CNTNAP2: variants seen among roughly 807,000 people sequenced by gnomAD.
CNTNAP2 encodes contactin-associated protein-like 2.
A neutral mutation model predicts 155.2 loss-of-function variants in CNTNAP2; 98 were observed. The observed-to-expected ratio is 0.63, with a 90% CI of 0.54 to 0.75. The LOEUF (loss-of-function observed/expected upper bound fraction) is 0.75. Among genes scored for constraint, CNTNAP2 ranks in the 30% least tolerant of loss-of-function variants. The pLI is 0.00. For missense variants in CNTNAP2, 1,727 were observed against 1,688.1 expected (o/e 1.02, Z -0.40); for synonymous variants, 651 against 631.2 (o/e 1.03, Z -0.47).
intron 21 of CNTNAP2, among the ~76,000 whole-genome samples, chr7:148,311,329 A>G (rs113414892): frequency 4.1e-3 from 619 of 151,514 alleles, no homozygotes; most frequent in African/African-American, 0.015. Context: ...CCTGGAAGAA[A>G]GGGAAATGCA....
chr7:146,760,870 G>A (rs929908879), intron 1 of CNTNAP2, among the ~76,000 whole-genome samples: 8 of 152,042 alleles, frequency 5.3e-5, no homozygotes, highest in South Asian at 4.1e-4. Flanking sequence ...TGAAGGAGCC[G>A]TTTCAGTGGT....
chr7:147,637,563 A>G (rs1226719577), intron 12 of CNTNAP2, among the ~76,000 whole-genome samples: 1 of 151,880 alleles, frequency 6.6e-6, no homozygotes, highest in Non-Finnish European at 1.5e-5. Flanking sequence ...TTTCCTCTCT[A>G]CCCACTTCCT....
chr7:146,543,407 C>T (rs990926962), intron 1 of CNTNAP2, among the ~76,000 whole-genome samples: 6 of 151,760 alleles, frequency 4.0e-5, no homozygotes, highest in Admixed American at 1.3e-4. Context: ...CCCTCATTCC[C>T]CTTTCCATTC....
At chr7:147,096,518 T>G (rs964157170) in intron 4 of CNTNAP2, among the ~76,000 whole-genome samples, 3 of 152,206 alleles carry the variant, frequency 2.0e-5, no homozygotes, top group African/African-American at 4.8e-5. Context: ...GGGAAATATG[T>G]CTCTCTTGGT....
At chr7:148,305,733 T>C (rs937577619) in intron 21 of CNTNAP2, among the ~76,000 whole-genome samples, 2 of 152,110 alleles carry the variant, frequency 1.3e-5, no homozygotes, top group African/African-American at 4.8e-5. Flanking sequence ...CACACTATCA[T>C]GAGAACAGCA....
chr7:146,713,620 T>A (rs1801136380), intron 1 of CNTNAP2, among the ~76,000 whole-genome samples: 1 of 152,190 alleles, frequency 6.6e-6, no homozygotes, highest in Admixed American at 6.5e-5. Flanking sequence ...AATAGCTCAT[T>A]TTGTGTTGCC....
At chr7:146,975,828 C>T (rs534824092) in intron 3 of CNTNAP2, among the ~76,000 whole-genome samples, 8 of 152,200 alleles carry the variant, frequency 5.3e-5, no homozygotes, top group African/African-American at 1.7e-4. Flanking sequence ...ACTTGAAGTC[C>T]CAAAATAGTG....
At chr7:146,645,901 A>T (rs1013084757) in intron 1 of CNTNAP2, among the ~76,000 whole-genome samples, 1 of 152,126 alleles carries the variant, frequency 6.6e-6, no homozygotes, top group African/African-American at 2.4e-5. Flanking sequence ...ATACTTCAAA[A>T]TGAGCAATTT....
intron 1 of CNTNAP2, among the ~76,000 whole-genome samples, chr7:146,721,000 G>C (rs1411935257): frequency 0.043 from 3,511 of 82,458 alleles, 207 homozygotes; most frequent in African/African-American, 0.32. Context: ...TATATATATA[G>C]TCTATATATA....
chr7:146,154,081 C>T (rs1440503713), intron 1 of CNTNAP2, among the ~76,000 whole-genome samples: 4 of 151,814 alleles, frequency 2.6e-5, no homozygotes, highest in African/African-American at 9.7e-5. Flanking sequence ...GTTTTGAGTA[C>T]AGTACATTAG....
chr7:147,673,790 T>C (rs1476936055), intron 13 of CNTNAP2, among the ~76,000 whole-genome samples: 1 of 152,154 alleles, frequency 6.6e-6, no homozygotes, highest in African/African-American at 2.4e-5. Context: ...TAATAGGAAT[T>C]TAAATGAATC....
At chr7:146,679,362 T>TTC (rs1800461346) in intron 1 of CNTNAP2, among the ~76,000 whole-genome samples, 1 of 147,046 alleles carries the variant, frequency 6.8e-6, no homozygotes, top group Non-Finnish European at 1.5e-5. Flanking sequence ...TTTTTTTTTT[T>TTC]TTTTTGGAGA....
intron 4 of CNTNAP2, among the ~76,000 whole-genome samples, chr7:147,049,111 C>A (rs192140513): frequency 2.0e-5 from 3 of 152,288 alleles, no homozygotes; most frequent in Admixed American, 2.0e-4. Context: ...TGTCTCATAA[C>A]AGGAAACAGA....
chr7:148,203,150 A>C (rs892293870), intron 18 of CNTNAP2, among the ~76,000 whole-genome samples: 1 of 152,330 alleles, frequency 6.6e-6, no homozygotes, highest in Admixed American at 6.5e-5. Flanking sequence ...GTAGAAATAC[A>C]TCACTAAGAT....
At chr7:146,893,580 C>G (rs1795821573) in intron 3 of CNTNAP2, among the ~76,000 whole-genome samples, 1 of 151,926 alleles carries the variant, frequency 6.6e-6, no homozygotes, top group Non-Finnish European at 1.5e-5. Context: ...AAAAGATATT[C>G]TAAGTGGGTA....
intron 14 of CNTNAP2, among the ~76,000 whole-genome samples, chr7:147,959,057 T>C (rs1801072359): frequency 6.6e-6 from 1 of 152,202 alleles, no homozygotes; most frequent in East Asian, 1.9e-4. Flanking sequence ...ATCAGGTTTT[T>C]AAAAACTTAT....
At chr7:147,243,642 G>T (rs1258623033) in intron 8 of CNTNAP2, among the ~76,000 whole-genome samples, 1 of 152,062 alleles carries the variant, frequency 6.6e-6, no homozygotes, top group African/African-American at 2.4e-5. Flanking sequence ...TCAGTGTCCT[G>T]GTCATTGCTT....
chr7:146,854,438 G>T (rs1238551078), intron 3 of CNTNAP2, among the ~76,000 whole-genome samples: 1 of 152,158 alleles, frequency 6.6e-6, no homozygotes, highest in Non-Finnish European at 1.5e-5. Context: ...TGGAATCAAG[G>T]TACACCTCTG....
intron 15 of CNTNAP2, among the ~76,000 whole-genome samples, chr7:147,996,173 G>T (rs1447387218): frequency 6.6e-6 from 1 of 152,196 alleles, no homozygotes; most frequent in Non-Finnish European, 1.5e-5. Context: ...TGAACCACAA[G>T]AAACATTTAT....
Sources: allele counts gnomAD v4.1 joint callset (sites outside exome capture counted in the v4.1 genomes callset), GRCh38; gene constraint gnomAD v4.1.1; transcripts MANE v1.5; gene names NCBI Gene and HGNC (gene_info 2026-07-23, HGNC 2026-07-21).